Variants in FIGN observed in about 807,000 individuals in gnomAD.
FIGN encodes the protein fidgetin.
FIGN carries 11 observed loss-of-function variants against 51.3 expected under a neutral mutation model. The observed-to-expected ratio is 0.21, with a 90% CI of 0.13 to 0.35. FIGN has a LOEUF of 0.35. FIGN is among the 10% of genes least tolerant of loss of function. The pLI, the probability that FIGN is intolerant of heterozygous loss-of-function variation, is 1.00. For missense variants in FIGN, 857 were observed against 943.6 expected (o/e 0.91, Z 1.20); for synonymous variants, 407 against 363.2 (o/e 1.12, Z -1.37).
At chr2:163,699,847 G>C (rs1322900390) in intron 2 of FIGN, among the ~76,000 whole-genome samples, 1 of 152,108 alleles carries the variant, frequency 6.6e-6, no homozygotes, top group Non-Finnish European at 1.5e-5. Flanking sequence ...TGAAAAAATA[G>C]TTTATAAATT....
chr2:163,619,344 C>G (rs1184710484), intron 2 of FIGN, among the ~76,000 whole-genome samples: 1 of 152,084 alleles, frequency 6.6e-6, no homozygotes, highest in African/African-American at 2.4e-5. Flanking sequence ...ATCTTGTTGT[C>G]TAAATGTCTT....
intron 2 of FIGN, among the ~76,000 whole-genome samples, chr2:163,618,735 C>T (rs1682919211): frequency 6.6e-6 from 1 of 152,100 alleles, no homozygotes. Context: ...ATATCCTACC[C>T]TTTCCACTTT....
intron 2 of FIGN, among the ~76,000 whole-genome samples, chr2:163,732,307 T>G (rs972373563): frequency 6.6e-6 from 1 of 152,174 alleles, no homozygotes; most frequent in East Asian, 1.9e-4. Context: ...CAAGCATGTT[T>G]TGGGACATGG....
Position 163,611,438 on chromosome 2 carries a change from T to C in FIGN, c.394A>G (p.Lys132Glu). 2 of 1,614,182 alleles carry C rather than the reference T, an allele frequency of 1.2e-6. No homozygotes were observed. The highest frequency in any genetic ancestry group is 2.2e-5 in the South Asian group (2 of 91,088). The change falls in exon 3 of 3, where the codon AAA (lysine) becomes GAA (glutamate). Residue 132 changes from lysine to glutamate, a missense_variant. Physicochemically the swap from Lys to Glu is moderately conservative, Grantham distance 56 (BLOSUM62 1). Around this residue, in one of 3 missense-constraint regions of FIGN, gnomAD observed 799 missense variants for 849.5 expected, o/e 0.94. Coordinates refer to ENST00000333129, the MANE Select transcript of FIGN (RefSeq NM_018086.4). The part of the protein sequence containing the change: ...NCVPDVITAS[K>E]AGVSSALPPA... ...GGGAGGGCTGAACTGACTCCAGCTT[T>C]GCTGGCAGTGATAACATCCGGAACA...
At position 163,649,382 on chromosome 2, in the gene FIGN, C is replaced by G. The variant is rs912557307; in HGVS notation, c.26-37576G>C. 2.6e-5 allele frequency among the ~76,000 whole-genome samples: 4 copies of G among 152,310 alleles called. No individual in the cohort carries two copies. In the South Asian group the frequency reaches 8.3e-4, roughly 32 times the overall value. On this transcript the variant is annotated intron_variant, in intron 2 of 2. Coordinates refer to ENST00000333129, the MANE Select transcript of FIGN (RefSeq NM_018086.4). ...AGTTCCAAACTTTCAGTCCTAACAG[C>G]TTCGCCTTTTCTGCTTTTGGGGGTC...
chr2:163,645,161 A>G (rs4542861), intron 2 of FIGN, among the ~76,000 whole-genome samples: 37,204 of 152,086 alleles, frequency 0.24, 4,908 homozygotes, highest in Admixed American at 0.28. Context: ...ATCTTGTAGA[A>G]TGATGAAGTA....
intron 2 of FIGN, among the ~76,000 whole-genome samples, chr2:163,619,502 C>A (rs1029847948): frequency 6.6e-6 from 1 of 152,026 alleles, no homozygotes; most frequent in African/African-American, 2.4e-5. Flanking sequence ...TAAATTGTAT[C>A]CATAGCAAGA....
At chr2:163,657,500 C>CTGTGTGTGTGTGTGTG (rs72033079) in intron 2 of FIGN, among the ~76,000 whole-genome samples, 342 of 147,530 alleles carry the variant, frequency 2.3e-3, no homozygotes, top group African/African-American at 7.7e-3. Flanking sequence ...CAGAGGGAGT[C>CTGTGTGTGTGTGTGTG]TGTGTGTGTG....
intron 2 of FIGN, among the ~76,000 whole-genome samples, chr2:163,672,118 A>G (rs1683886139): frequency 6.6e-6 from 1 of 152,120 alleles, no homozygotes; most frequent in African/African-American, 2.4e-5. Context: ...GAAGTTTCTC[A>G]AGATCTATTG....
intron 2 of FIGN, among the ~76,000 whole-genome samples, chr2:163,704,370 T>C (rs73017740): frequency 0.042 from 6,435 of 152,112 alleles, 469 homozygotes; most frequent in African/African-American, 0.15. Context: ...TCTGTGGTGA[T>C]GATGACACGT....
At chr2:163,626,826 A>C (rs1337301035) in intron 2 of FIGN, among the ~76,000 whole-genome samples, 1 of 152,100 alleles carries the variant, frequency 6.6e-6, no homozygotes, top group African/African-American at 2.4e-5. Flanking sequence ...AAACCCACTA[A>C]AACCGAGATA....
intron 2 of FIGN, among the ~76,000 whole-genome samples, chr2:163,706,313 T>C (rs891749085): frequency 6.6e-6 from 1 of 152,100 alleles, no homozygotes; most frequent in African/African-American, 2.4e-5. Context: ...TTACAAATTA[T>C]TTACCTGAAA....
chr2:163,624,296 A>G (rs1240554914), intron 2 of FIGN, among the ~76,000 whole-genome samples: 1 of 152,082 alleles, frequency 6.6e-6, no homozygotes. Flanking sequence ...TTTAAGTAGA[A>G]GATCCATGGA....
chr2:163,660,880 T>TA (rs1491524841), intron 2 of FIGN, among the ~76,000 whole-genome samples: 74 of 972 alleles, frequency 0.076, 19 homozygotes, highest in Admixed American at 0.14. Context: ...TATATATATA[T>TA]TTTTTTTTTT....
At chr2:163,709,367 C>T (rs535823065) in intron 2 of FIGN, among the ~76,000 whole-genome samples, 1 of 152,232 alleles carries the variant, frequency 6.6e-6, no homozygotes, top group African/African-American at 2.4e-5. Flanking sequence ...ATTGAAACTA[C>T]ATGCACATTA....
intron 2 of FIGN, among the ~76,000 whole-genome samples, chr2:163,650,627 G>A (rs1416834416): frequency 6.6e-6 from 1 of 151,828 alleles, no homozygotes; most frequent in East Asian, 1.9e-4. Context: ...ACTTATGAGT[G>A]AGAACATCGA....
intron 2 of FIGN, among the ~76,000 whole-genome samples, chr2:163,661,825 A>G (rs1683689400): frequency 6.6e-6 from 1 of 152,106 alleles, no homozygotes. Flanking sequence ...CCATGTAAGA[A>G]GTGCCTTTCG....
chr2:163,611,968 A>T (rs1381314126), intron 2 of FIGN, among the ~76,000 whole-genome samples, 162 bp from the exon 3 acceptor site: 1 of 152,214 alleles, frequency 6.6e-6, no homozygotes, highest in African/African-American at 2.4e-5. Flanking sequence ...CCCTATAATA[A>T]GTACTCTTTA....
chr2:163,700,872 G>A (rs943211037), intron 2 of FIGN, among the ~76,000 whole-genome samples: 1 of 152,008 alleles, frequency 6.6e-6, no homozygotes, highest in Non-Finnish European at 1.5e-5. Flanking sequence ...CAATTAACAA[G>A]GGCTCTAAAA....
Sources: gnomAD v4.1 joint callset for allele counts (sites outside exome capture counted in the v4.1 genomes callset) on GRCh38, gnomAD v4.1.1 for gene constraint, gnomAD v4.1.1 regional missense constraint, MANE v1.5 for transcripts, NCBI Gene and HGNC (gene_info 2026-07-23, HGNC 2026-07-21) for gene names.